KCNJ3: variants seen among roughly 807,000 people sequenced by gnomAD.
KCNJ3 encodes G protein-activated inward rectifier potassium channel 1.
In KCNJ3, 4 loss-of-function variants were observed where a neutral mutation model predicts 39.2. That is an observed-to-expected ratio of 0.10 (90% confidence interval 0.05 to 0.23). The LOEUF is 0.23. KCNJ3 is among the 10% of genes least tolerant of loss of function. The probability of loss-of-function intolerance (pLI) is 1.00; values close to 1 mark genes in which losing one functional copy is unlikely to be tolerated. For missense variants in KCNJ3, 276 were observed against 634.9 expected (o/e 0.43, Z 6.08); for synonymous variants, 230 against 237.4 (o/e 0.97, Z 0.29).
chr2:154,713,638 G>C (rs2105154579), intron 2 of KCNJ3, among the ~76,000 whole-genome samples: 1 of 152,210 alleles, frequency 6.6e-6, no homozygotes, highest in South Asian at 2.1e-4. Flanking sequence ...AAATGAGTTG[G>C]ATTTTCACTC....
intron 2 of KCNJ3, among the ~76,000 whole-genome samples, chr2:154,849,933 G>A (rs2166329): frequency 6.9e-6 from 1 of 144,496 alleles, no homozygotes; most frequent in Admixed American, 7.1e-5. Flanking sequence ...TACTGATACT[G>A]GAATAAATTA....
At chr2:154,826,829 T>G (rs572917607) in intron 2 of KCNJ3, among the ~76,000 whole-genome samples, 2 of 152,326 alleles carry the variant, frequency 1.3e-5, no homozygotes, top group South Asian at 4.1e-4. Flanking sequence ...TGGATGTGTG[T>G]GGATGTCAGG....
chr2:154,726,354 A>T (rs972622973), intron 2 of KCNJ3, among the ~76,000 whole-genome samples: 13 of 152,326 alleles, frequency 8.5e-5, no homozygotes, highest in African/African-American at 2.9e-4. Context: ...CAAACACATT[A>T]AAAAATGCTC....
At chr2:154,795,610 T>C (rs1394605494) in intron 2 of KCNJ3, among the ~76,000 whole-genome samples, 2 of 152,062 alleles carry the variant, frequency 1.3e-5, no homozygotes, top group African/African-American at 2.4e-5. Context: ...AGGGCATTTT[T>C]ATTTAATATT....
intron 2 of KCNJ3, among the ~76,000 whole-genome samples, chr2:154,730,654 C>A (rs555531879): frequency 7.1e-4 from 108 of 151,902 alleles, no homozygotes; most frequent in African/African-American, 2.5e-3. Flanking sequence ...TTTTTAACTA[C>A]CAATGAATTT....
intron 2 of KCNJ3, among the ~76,000 whole-genome samples, chr2:154,804,474 A>G (rs1185968225): frequency 6.6e-6 from 1 of 152,118 alleles, no homozygotes; most frequent in Admixed American, 6.6e-5. Context: ...GTTTTAGAAG[A>G]TATTTCACAT....
chr2:154,828,303 T>G (rs1277623293), intron 2 of KCNJ3, among the ~76,000 whole-genome samples: 1 of 152,166 alleles, frequency 6.6e-6, no homozygotes, highest in Non-Finnish European at 1.5e-5. Flanking sequence ...TAAACAGATA[T>G]TAAAAGCTTT....
At position 154,799,166 on chromosome 2, in the gene KCNJ3, C is replaced by G. The variant is rs1337663761; in HGVS notation, c.920-55561C>G. The stretch of plus-strand genomic sequence containing the variant: ...TTTTTGTTTTTAACAGAGTCTTGCT[C>G]TGTGGCCCAGGCTGGAGTGCAGTGG... On this transcript the variant is annotated intron_variant, in intron 2 of 2. Transcript: ENST00000295101. Among the ~76,000 whole-genome samples the G allele has an allele frequency of 3.9e-5, 6 of 152,252 alleles. No homozygotes were observed. In the East Asian group the frequency reaches 1.2e-3, roughly 29 times the overall value.
intron 2 of KCNJ3, among the ~76,000 whole-genome samples, chr2:154,841,793 A>AT: frequency 6.6e-6 from 1 of 151,678 alleles, no homozygotes; most frequent in South Asian, 2.1e-4. Context: ...CCCCTTTATC[A>AT]TTTTTTATTG....
At chr2:154,774,215 T>A (rs1044866301) in intron 2 of KCNJ3, among the ~76,000 whole-genome samples, 12 of 152,162 alleles carry the variant, frequency 7.9e-5, no homozygotes, top group Non-Finnish European at 1.6e-4. Context: ...AACTCACTGG[T>A]CCAGGACAAA....
intron 2 of KCNJ3, among the ~76,000 whole-genome samples, chr2:154,750,537 G>A (rs1375073390): frequency 6.6e-6 from 1 of 151,858 alleles, no homozygotes; most frequent in East Asian, 1.9e-4. Flanking sequence ...TTATGAGATA[G>A]CTTCTGAACA....
intron 2 of KCNJ3, among the ~76,000 whole-genome samples, chr2:154,710,408 T>TA (rs1253718945): frequency 2.0e-5 from 3 of 152,318 alleles, no homozygotes; most frequent in South Asian, 4.1e-4. Context: ...TCTGCTCCTG[T>TA]ATAGCTATGT....
intron 2 of KCNJ3, among the ~76,000 whole-genome samples, chr2:154,746,638 ATG>A (rs200439138): frequency 0.29 from 40,969 of 143,550 alleles, 8,021 homozygotes; most frequent in African/African-American, 0.58. Flanking sequence ...ATATGTATAT[ATG>A]TGTATATATA....
intron 2 of KCNJ3, among the ~76,000 whole-genome samples, chr2:154,727,470 T>C (rs982127523): frequency 2.7e-5 from 4 of 150,638 alleles, no homozygotes; most frequent in Non-Finnish European, 4.4e-5. Flanking sequence ...TGCATGCCTG[T>C]AATCCCAGCT....
intron 2 of KCNJ3, among the ~76,000 whole-genome samples, chr2:154,846,854 A>G (rs1687672959): frequency 6.6e-6 from 1 of 152,152 alleles, no homozygotes; most frequent in African/African-American, 2.4e-5. Flanking sequence ...TAAAATTCTT[A>G]TTGAAGCTTT....
At chr2:154,766,896 AACTAAACT>A (rs1318081546) in intron 2 of KCNJ3, among the ~76,000 whole-genome samples, 1 of 152,098 alleles carries the variant, frequency 6.6e-6, no homozygotes, top group Admixed American at 6.6e-5. Context: ...TTAATGCCGA[AACTAAACT>A]GTAATGCTGA....
At chr2:154,830,706 G>C (rs1255413566) in intron 2 of KCNJ3, among the ~76,000 whole-genome samples, 2 of 152,032 alleles carry the variant, frequency 1.3e-5, no homozygotes, top group Non-Finnish European at 2.9e-5. Context: ...AGACAGCTTA[G>C]TTGGAAGTAA....
intron 2 of KCNJ3, among the ~76,000 whole-genome samples, chr2:154,778,843 G>T (rs976394053): frequency 6.6e-6 from 1 of 152,032 alleles, no homozygotes; most frequent in Non-Finnish European, 1.5e-5. Context: ...GGTCTATGGG[G>T]ATGTAGAAAA....
chr2:154,806,926 T>A (rs1399451791), intron 2 of KCNJ3, among the ~76,000 whole-genome samples: 1 of 152,182 alleles, frequency 6.6e-6, no homozygotes, highest in Non-Finnish European at 1.5e-5. Flanking sequence ...TCCACGGGTT[T>A]CACCTTGGTC....
Sources: allele counts gnomAD v4.1 joint callset (sites outside exome capture counted in the v4.1 genomes callset), GRCh38; gene constraint gnomAD v4.1.1; transcripts MANE v1.5; gene names NCBI Gene and HGNC (gene_info 2026-07-23, HGNC 2026-07-21).